Variants in LONP2 observed in about 807,000 individuals in gnomAD.
LONP2 encodes lon protease homolog 2, peroxisomal.
In LONP2, 60 loss-of-function variants were observed where a neutral mutation model predicts 85.6. The ratio of observed to expected loss-of-function variants is 0.70; its 90% confidence interval spans 0.57 to 0.87. The LOEUF (loss-of-function observed/expected upper bound fraction) is 0.87, where lower values mean the gene tolerates loss of function less well. LONP2 is among the 40% of genes least tolerant of loss of function. LONP2 has a pLI of 0.00. For synonymous variants in LONP2, 395 were observed against 389.7 expected (o/e 1.01, Z -0.16); for missense variants, 860 against 1,063.5 (o/e 0.81, Z 2.66).
downstream of LONP2, chr16:48,361,005 C>T (rs934128753): frequency 6.6e-6 from 1 of 152,108 alleles, no homozygotes; most frequent in Non-Finnish European, 1.5e-5. Context: ...ATATGCATAT[C>T]AAAAGATACT....
chr16:48,253,469 CAAA>C (rs77220864), intron 2 of LONP2, among the ~76,000 whole-genome samples: 4 of 115,576 alleles, frequency 3.5e-5, no homozygotes, highest in Admixed American at 9.2e-5. Flanking sequence ...GACCCTGACT[CAAA>C]AAAAAAAAAA....
rs114010229 is a variant in LONP2 at position 48,306,200 on chromosome 16, T to C, written c.1795+2895T>C. Among the ~76,000 whole-genome samples, 615 of 152,336 alleles carry C rather than the reference T, an allele frequency of 4.0e-3. 4 individuals are homozygous for C. Among genetic ancestry groups the C allele is most frequent in the African/African-American group, 0.014 (584 of 41,572 alleles). On this transcript the variant is annotated intron_variant, in intron 11 of 14. Transcript: ENST00000285737. The stretch of plus-strand genomic sequence containing the variant: ...AAATGAGTTTATTAGGTAACACATT[T>C]TGAAAATTGTGTTTAAGATTTAGAT...
rs1221321512 is a variant in LONP2 at position 48,277,271 on chromosome 16, T to G, written c.1242-67T>G. 8 of 1,509,558 alleles carry G rather than the reference T, an allele frequency of 5.3e-6. No individual in the cohort carries two copies. In the Admixed American group the frequency reaches 7.8e-5, roughly 15 times the overall value. The allele number at this position is 1,509,558 out of a possible 1,614,324, so 93.5% of individuals were successfully genotyped here. A position where few individuals can be genotyped will look rare whatever the true frequency, so the allele number is the denominator to read the frequency against. On this transcript the variant is annotated intron_variant, in intron 7 of 14. Coordinates refer to ENST00000285737, the MANE Select transcript of LONP2 (RefSeq NM_031490.5). ...ATCTTTTCACATTCCTAAGTTTTGA[T>G]TTCTGAATGGCGTCGCTCCTGCCTC...
At chr16:48,302,180 A>T (rs962436588) in intron 10 of LONP2, among the ~76,000 whole-genome samples, 3 of 152,158 alleles carry the variant, frequency 2.0e-5, no homozygotes, top group African/African-American at 7.2e-5. Flanking sequence ...ATAAAGCTGA[A>T]TTTTTTAAAG....
At chr16:48,276,899 A>G (rs984258484) in intron 7 of LONP2, among the ~76,000 whole-genome samples, 22 of 152,150 alleles carry the variant, frequency 1.4e-4, no homozygotes, top group African/African-American at 4.8e-4. Flanking sequence ...CTTCATGAAG[A>G]TGATGATGTT....
At chr16:48,306,031 C>T (rs1972904651) in intron 11 of LONP2, among the ~76,000 whole-genome samples, 1 of 151,634 alleles carries the variant, frequency 6.6e-6, no homozygotes, top group South Asian at 2.1e-4. Flanking sequence ...GAACTGAAGT[C>T]TATAAAAGTT....
At chr16:48,259,408 T>A (rs1016257746) in intron 4 of LONP2, among the ~76,000 whole-genome samples, 1 of 152,242 alleles carries the variant, frequency 6.6e-6, no homozygotes, top group African/African-American at 2.4e-5. Flanking sequence ...ATATGTATGA[T>A]GGGATCTGTT....
intron 12 of LONP2, among the ~76,000 whole-genome samples, chr16:48,337,780 G>T (rs1177250140): frequency 1.3e-5 from 2 of 152,124 alleles, no homozygotes; most frequent in Non-Finnish European, 2.9e-5. Context: ...TACATGTTGA[G>T]GTGTTCCCAA....
chr16:48,277,356 C>T lies in LONP2; in HGVS notation c.1260C>T (p.Ser420=), dbSNP rs1368115464. 6.2e-7 allele frequency: 1 copy of T among 1,613,466 alleles called. No individual in the cohort carries two copies. The highest frequency in any genetic ancestry group is 8.5e-7 in the Non-Finnish European group (1 of 1,179,670). Residue 420 remains serine, a synonymous_variant, in exon 8 of 15, where the codon AGC becomes AGT. Coordinates refer to ENST00000285737, the MANE Select transcript of LONP2 (RefSeq NM_031490.5). The part of the protein sequence containing the change: ...IRGHRRTYVG[S]MPGRIINGLK... The stretch of plus-strand genomic sequence containing the variant: ...TCTCTAGGCGCACCTATGTTGGCAG[C>T]ATGCCTGGTCGCATCATCAACGGCT...
intron 6 of LONP2, among the ~76,000 whole-genome samples, chr16:48,265,984 A>G (rs1029655530): frequency 8.6e-5 from 13 of 151,902 alleles, no homozygotes. Context: ...TGTAAATGAG[A>G]TTGTTTCCTT....
At chr16:48,274,969 T>C (rs1171269934) in intron 7 of LONP2, among the ~76,000 whole-genome samples, 2 of 152,216 alleles carry the variant, frequency 1.3e-5, no homozygotes, top group Non-Finnish European at 2.9e-5. Flanking sequence ...GTGAAATGCC[T>C]ATATTTTTCT....
chr16:48,359,827 T>C (rs1210060177), downstream of LONP2, among the ~76,000 whole-genome samples: 1 of 152,168 alleles, frequency 6.6e-6, no homozygotes, highest in South Asian at 2.1e-4. Flanking sequence ...TAAACTCTTA[T>C]CCAAAATTAT....
At chr16:48,341,960 A>G (rs1959824834) in intron 12 of LONP2, among the ~76,000 whole-genome samples, 1 of 152,118 alleles carries the variant, frequency 6.6e-6, no homozygotes, top group African/African-American at 2.4e-5. Context: ...TCACTCTGTC[A>G]CTGGGAGACA....
At chr16:48,293,109 A>C (rs1972589595) in intron 8 of LONP2, among the ~76,000 whole-genome samples, 1 of 152,358 alleles carries the variant, frequency 6.6e-6, no homozygotes, top group South Asian at 2.1e-4. Context: ...TATATGAATT[A>C]CATATGCTTA....
At position 48,261,508 on chromosome 16, in the gene LONP2, A is replaced by G. The variant is rs1232464396; in HGVS notation, c.808A>G (p.Ile270Val). Residue 270 changes from isoleucine to valine, a missense_variant, in exon 5 of 15, where the codon ATT becomes GTT. Coordinates refer to ENST00000285737, the MANE Select transcript of LONP2 (RefSeq NM_031490.5). ...AGATGAAGATGAAGATAATGATGAC[A>G]TTGTCATGCTAGAGAAAAAAATACG... ...DEDEDEDNDD[I>V]VMLEKKIRTS... is the part of the protein sequence containing the mutation. 1 of 1,607,606 alleles carries G rather than the reference A, an allele frequency of 6.2e-7. No individual in the cohort carries two copies. The highest frequency in any genetic ancestry group is 8.5e-7 in the Non-Finnish European group (1 of 1,176,700).
intron 12 of LONP2, among the ~76,000 whole-genome samples, chr16:48,340,407 A>G (rs572936962): frequency 1.8e-4 from 27 of 152,350 alleles, no homozygotes; most frequent in African/African-American, 5.8e-4. Context: ...CCTACCCCCA[A>G]TCACCAAAAA....
rs1960025574 is a variant in LONP2, at chr16:48,348,082, C to T, written c.2147-18C>T. On this transcript the variant is annotated intron_variant, in intron 13 of 14. Coordinates refer to ENST00000285737, the MANE Select transcript of LONP2 (RefSeq NM_031490.5). ...GGTTTAATTTTTCTACATTAAAGTC[C>T]CTTTTTCCTTTTTAAAGCTTTTGGA... 6.3e-7 allele frequency: 1 copy of T among 1,575,938 alleles called. No individual in the cohort carries two copies. The highest frequency in any genetic ancestry group is 8.6e-7 in the Non-Finnish European group (1 of 1,168,270).
In LONP2 at chr16:48,341,255, G is replaced by A. The variant is rs1312896281; in HGVS notation, c.1939-6252G>A. Among the ~76,000 whole-genome samples, 9 of 152,242 alleles carry A rather than the reference G, an allele frequency of 5.9e-5. No homozygotes were observed. In the South Asian group the frequency reaches 6.2e-4, roughly 11 times the overall value. Reference sequence around the variant, plus strand: ...GCGGAGGTTGCAATGAGCTGAGATCGTGCCACTGCACTCCAGCTTGGGACA... The same window carrying A: ...GCGGAGGTTGCAATGAGCTGAGATCATGCCACTGCACTCCAGCTTGGGACA... On this transcript the variant is annotated intron_variant, in intron 12 of 14. Coordinates refer to ENST00000285737, the MANE Select transcript of LONP2 (RefSeq NM_031490.5).
At chr16:48,250,257 C>T (rs948242800) in intron 1 of LONP2, among the ~76,000 whole-genome samples, 5 of 150,548 alleles carry the variant, frequency 3.3e-5, no homozygotes, top group African/African-American at 4.9e-5. Flanking sequence ...CCAAGGTGGG[C>T]GAATCATGAG....
Sources: allele counts gnomAD v4.1 joint callset (sites outside exome capture counted in the v4.1 genomes callset), GRCh38; gene constraint gnomAD v4.1.1; transcripts MANE v1.5; gene names NCBI Gene and HGNC (gene_info 2026-07-23, HGNC 2026-07-21).